C1RL: variants seen among roughly 807,000 people sequenced by gnomAD.
The protein encoded by C1RL is complement C1r subcomponent like.
C1RL carries 27 observed loss-of-function variants against 27.9 expected under a neutral mutation model. That is an observed-to-expected ratio of 0.97 (90% CI 0.71 to 1.33). The LOEUF is 1.33. Ranked by LOEUF, C1RL falls within the 40% of genes most tolerant of loss-of-function variation. The probability of loss-of-function intolerance (pLI) is 0.00; values close to 1 mark genes in which losing one functional copy is unlikely to be tolerated. For synonymous variants in C1RL, 248 were observed against 252.1 expected, an observed-to-expected ratio of 0.98 and a Z score of 0.15; for missense variants, 563 against 623.9, an observed-to-expected ratio of 0.90 and a Z score of 1.04.
Position 7,104,451 on chromosome 12 carries a change from G to A in C1RL, c.301-2364C>T, listed in dbSNP as rs962607232. ...CGAGAAAAAATATTGCCCCGTGTCC[G>A]GGGCCACTCTCTGGGTGAAGTCTGC... is the stretch of plus-strand genomic sequence containing the variant. On this transcript the variant is annotated intron_variant, in intron 2 of 5. Transcript: ENST00000266542. This position sits in a 1 kb window ranked among gnomAD's most constrained non-coding sequence, Gnocchi z 5.4. Among the ~76,000 whole-genome samples the A allele has an allele frequency of 2.0e-5, 3 of 152,178 alleles. No homozygotes were observed. The highest frequency in any genetic ancestry group is 4.4e-5 in the Non-Finnish European group (3 of 68,028).
chr12:7,095,277 G>A lies in C1RL; in HGVS notation c.*1114C>T, dbSNP rs773294267. On this transcript the variant is annotated 3_prime_UTR_variant, in exon 6 of 6. Coordinates refer to ENST00000266542, the MANE Select transcript of C1RL (RefSeq NM_016546.4). ...ACTACAGGCACGTGTCACCACGCCCGGCTAATTTTTGTATTTTTAGTAGAG... is the reference window on the plus strand; with the variant it reads ...ACTACAGGCACGTGTCACCACGCCCAGCTAATTTTTGTATTTTTAGTAGAG... The A allele has an allele frequency of 5.4e-5, 42 of 775,418 alleles. No homozygotes were observed. The South Asian group carries it at 8.8e-4, about 16-fold the overall frequency. 48.0% of individuals were successfully genotyped at this position (775,418 alleles called of 1,614,324 possible). A position where few individuals can be genotyped will look rare whatever the true frequency, so the allele number is the denominator to read the frequency against.
chr12:7,097,280 G>A, intron 5 of C1RL, 117 bp from the exon 6 acceptor site: 1 of 833,980 alleles, frequency 1.2e-6, no homozygotes, highest in Non-Finnish European at 1.7e-6. Flanking sequence ...CTGGGATCAG[G>A]ACGTTTTTTT....
At chr12:7,108,126 G>T in intron 2 of C1RL, 125 bp downstream of exon 2, 3 of 771,698 alleles carry the variant, frequency 3.9e-6, no homozygotes, top group South Asian at 2.1e-5. Flanking sequence ...AGCCAAGCCC[G>T]ACTGCCCCTA....
At chr12:7,097,652 A>G (rs1938492439) in intron 5 of C1RL, among the ~76,000 whole-genome samples, 1 of 152,182 alleles carries the variant, frequency 6.6e-6, no homozygotes, top group Admixed American at 6.5e-5. Flanking sequence ...CAGGTAATCA[A>G]TGCCAAGTGT....
At chr12:7,102,160 C>T in intron 2 of C1RL, 73 bp from the exon 3 acceptor site, 3 of 1,470,498 alleles carry the variant, frequency 2.0e-6, no homozygotes, top group Non-Finnish European at 2.8e-6. Flanking sequence ...CACAGGGGCA[C>T]ATCCTCGGTG....
chr12:7,105,492 A>G (rs1449041743), intron 2 of C1RL, among the ~76,000 whole-genome samples: 1 of 151,750 alleles, frequency 6.6e-6, no homozygotes, highest in East Asian at 1.9e-4. Flanking sequence ...CTGGTCTCAA[A>G]CTCCTGGCCT....
intron 2 of C1RL, among the ~76,000 whole-genome samples, chr12:7,106,090 T>C (rs1938756818): frequency 1.3e-5 from 2 of 152,116 alleles, no homozygotes; most frequent in Non-Finnish European, 2.9e-5. Flanking sequence ...ATCTGCACAA[T>C]GAGTAAAAAA....
rs1432867818 is a variant in C1RL at position 7,108,992 on chromosome 12, G to C, written c.71+118C>G. On this transcript the variant is annotated intron_variant, in intron 1 of 5. Coordinates refer to ENST00000266542, the MANE Select transcript of C1RL (RefSeq NM_016546.4). ...GTGTGTGTGTGTGTGTGTGTGTGGG[G>C]GGGGGGGGGATGTGTGTGTGGGGGG... 32 of 324,030 alleles carry C rather than the reference G, an allele frequency of 9.9e-5. 2 individuals are homozygous for C. The African/African-American group carries it at 1.3e-3, about 13-fold the overall frequency. The allele number at this position is 324,030 out of a possible 1,614,324, so 20.1% of individuals were successfully genotyped here.
In C1RL at chr12:7,094,967, A is replaced by G. The variant is rs1350032895; in HGVS notation, c.*1424T>C. 1 of 1,106,994 alleles carries G rather than the reference A, an allele frequency of 9.0e-7. No homozygotes were observed. The highest frequency in any genetic ancestry group is 1.1e-6 in the Non-Finnish European group (1 of 900,172). The allele number at this position is 1,106,994 out of a possible 1,614,324, so 68.6% of individuals were successfully genotyped here. A position where few individuals can be genotyped will look rare whatever the true frequency, so the allele number is the denominator to read the frequency against. On this transcript the variant is annotated 3_prime_UTR_variant, in exon 6 of 6. Transcript: ENST00000266542. ...TGTATGTACAACTTTGAATCCTGCC[A>G]TTTTTTAGAGATAAATTTAACCTTT...
At chr12:7,103,180 T>C (rs1938672636) in intron 2 of C1RL, among the ~76,000 whole-genome samples, 1 of 152,234 alleles carries the variant, frequency 6.6e-6, no homozygotes. Context: ...GGCCTGCTTT[T>C]TGGGGAAGAA....
Position 7,108,865 on chromosome 12 carries a change from C to T in C1RL, c.71+245G>A, listed in dbSNP as rs1221349897. On this transcript the variant is annotated intron_variant, in intron 1 of 5. Coordinates refer to ENST00000266542, the MANE Select transcript of C1RL (RefSeq NM_016546.4). Reference sequence around the variant, plus strand: ...TCTGCCGTAAATATCCCCCGACCACCCTCTGGGAAGGTGCTAGAGGCCACA... The same window carrying T: ...TCTGCCGTAAATATCCCCCGACCACTCTCTGGGAAGGTGCTAGAGGCCACA... 4 of 557,840 alleles carry T rather than the reference C, an allele frequency of 7.2e-6. No homozygotes were observed. In the African/African-American group the frequency reaches 7.6e-5, roughly 11 times the overall value. The allele number at this position is 557,840 out of a possible 1,614,324, so 34.6% of individuals were successfully genotyped here. A position where few individuals can be genotyped will look rare whatever the true frequency, so the allele number is the denominator to read the frequency against.
At chr12:7,103,761 G>A (rs1225138322) in intron 2 of C1RL, among the ~76,000 whole-genome samples, 1 of 151,924 alleles carries the variant, frequency 6.6e-6, no homozygotes, top group East Asian at 1.9e-4. Context: ...CCTTTGAGGG[G>A]TGTGTGTGTG....
At chr12:7,108,153 C>T (rs1406095471) in intron 2 of C1RL, 98 bp downstream of exon 2, 1 of 1,001,526 alleles carries the variant, frequency 1.0e-6, no homozygotes, top group Non-Finnish European at 1.4e-6. Context: ...AAATTCATCC[C>T]TCCTCCAGAT....
Position 7,108,242 on chromosome 12 carries a change from C to A in C1RL, c.300+9G>T. On this transcript the variant is annotated intron_variant, in intron 2 of 5. Coordinates refer to ENST00000266542, the MANE Select transcript of C1RL (RefSeq NM_016546.4). The stretch of plus-strand genomic sequence containing the variant: ...AGTCCTGGCGGGACCCCCCCCATCC[C>A]CAGCTCACTGTGACAGAGTCCCCTG... The A allele has an allele frequency of 6.3e-7, 1 of 1,590,350 alleles. No individual in the cohort carries two copies. Among genetic ancestry groups the A allele is most frequent in the Non-Finnish European group, 8.6e-7 (1 of 1,164,874 alleles).
In C1RL at chr12:7,101,700, A is replaced by G; in HGVS notation, c.490+198T>C. 3 of 584,134 alleles carry G rather than the reference A, an allele frequency of 5.1e-6. No homozygotes were observed. The East Asian group carries it at 8.3e-5, about 16-fold the overall frequency. The allele number at this position is 584,134 out of a possible 1,614,324, so 36.2% of individuals were successfully genotyped here. A position where few individuals can be genotyped will look rare whatever the true frequency, so the allele number is the denominator to read the frequency against. On this transcript the variant is annotated intron_variant, in intron 3 of 5. Coordinates refer to ENST00000266542, the MANE Select transcript of C1RL (RefSeq NM_016546.4). Reference sequence around the variant, plus strand: ...ACACTGGGCCTGTAAATCTGCATGGAAACAACCGCTGGGGGCTCAGCTACG... The same window carrying G: ...ACACTGGGCCTGTAAATCTGCATGGGAACAACCGCTGGGGGCTCAGCTACG...
In C1RL at chr12:7,108,519, A is replaced by G. The variant is rs1190553539; in HGVS notation, c.72-40T>C. 1.3e-6 allele frequency: 2 copies of G among 1,508,434 alleles called. 1 individual carries two copies. The highest frequency in any genetic ancestry group is 3.9e-5 in the Admixed American group (2 of 51,272). The allele number at this position is 1,508,434 out of a possible 1,614,324, so 93.4% of individuals were successfully genotyped here. A position where few individuals can be genotyped will look rare whatever the true frequency, so the allele number is the denominator to read the frequency against. ...GAGGGCAAGGTGGGGCCGCGCAGCT[A>G]TGGCCGGAAGCCTGTGGGTGTGGGA... On this transcript the variant is annotated intron_variant, in intron 1 of 5. Coordinates refer to ENST00000266542, the MANE Select transcript of C1RL (RefSeq NM_016546.4).
At chr12:7,102,774 T>C (rs10841811) in intron 2 of C1RL, among the ~76,000 whole-genome samples, 27,860 of 152,150 alleles carry the variant, frequency 0.18, 2,861 homozygotes, top group East Asian at 0.41. Context: ...CTGGATGGTG[T>C]TGCTTCATCG....
At chr12:7,108,994 G>GTGTGTGTGTGTGTGTGTGTGTGTGTGTCT in intron 1 of C1RL, 116 bp downstream of exon 1, 6 of 382,632 alleles carry the variant, frequency 1.6e-5, no homozygotes, top group Non-Finnish European at 1.9e-5. Context: ...TGTGTGGGGG[G>GTGTGTGTGTGTGTGTGTGTGTGTGTGTCT]GGGGGGGATG....
rs764538217 is a variant in C1RL at position 7,108,966 on chromosome 12, GGTGTGTGTGTGTGT to G, written c.71+130_71+143del. 2,274 of 366,824 alleles carry G rather than the reference GGTGTGTGTGTGTGT, an allele frequency of 6.2e-3. 6 individuals are homozygous for G. The highest frequency in any genetic ancestry group is 7.1e-3 in the Non-Finnish European group (1,485 of 209,648). The allele number at this position is 366,824 out of a possible 1,614,324, so 22.7% of individuals were successfully genotyped here. ...GCTGCTGGTGTGTGTATGTGGGGGA[GGTGTGTGTGTGTGT>G]GTGTGTGTGGGGGGGGGGGGGATGT... On this transcript the variant is annotated intron_variant, in intron 1 of 5. Coordinates refer to ENST00000266542, the MANE Select transcript of C1RL (RefSeq NM_016546.4).
Sources: allele counts gnomAD v4.1 joint callset (sites outside exome capture counted in the v4.1 genomes callset), GRCh38; gene constraint gnomAD v4.1.1; non-coding constraint Gnocchi (gnomAD v3.1); transcripts MANE v1.5; gene names NCBI Gene and HGNC (gene_info 2026-07-23, HGNC 2026-07-21).